A2ML1: variants seen among roughly 807,000 people sequenced by gnomAD.
A2ML1 encodes alpha-2-macroglobulin like 1.
A neutral mutation model predicts 181.9 loss-of-function variants in A2ML1; 161 were observed. The ratio of observed to expected loss-of-function variants is 0.89; its 90% CI spans 0.78 to 1.01. The LOEUF is 1.01. Among genes scored for constraint, A2ML1 ranks in the 50% least tolerant of loss-of-function variants. A2ML1 has a pLI of 0.00. For missense variants in A2ML1, 1,670 were observed against 1,768.1 expected, an observed-to-expected ratio of 0.94 and a Z score of 1.00; for synonymous variants, 663 against 666.8, an observed-to-expected ratio of 0.99 and a Z score of 0.09.
In A2ML1 at chr12:8,851,802, G is replaced by C; in HGVS notation, c.2253G>C (p.Ala751=). The C allele has an allele frequency of 6.2e-7, 1 of 1,614,050 alleles. No homozygotes were observed. The highest frequency in any genetic ancestry group is 8.5e-7 in the Non-Finnish European group (1 of 1,180,032). The change falls in exon 19 of 36, where the codon GCG becomes GCC. Residue 751 remains alanine, a synonymous_variant. Transcript: ENST00000299698. Reference sequence around the variant, plus strand: ...TTCACAGTAACTCGGGGAAGGAGGCGGTCCACGTCACAGTTCCTGACGCCA... The same window carrying C: ...TTCACAGTAACTCGGGGAAGGAGGCCGTCCACGTCACAGTTCCTGACGCCA... ...LFPIGNSGKE[A]VHVTVPDAIT...
At chr12:8,861,567 A>T (rs1046286839) in intron 28 of A2ML1, among the ~76,000 whole-genome samples, 2 of 151,860 alleles carry the variant, frequency 1.3e-5, no homozygotes, top group African/African-American at 4.8e-5. Flanking sequence ...GGCTCACTCC[A>T]AGTTCCGCCT....
At chr12:8,866,615 T>A (rs1335612657) in intron 29 of A2ML1, among the ~76,000 whole-genome samples, 1 of 152,116 alleles carries the variant, frequency 6.6e-6, no homozygotes. Flanking sequence ...CAGCTGACAG[T>A]GAGGTCCCTT....
Position 8,852,133 on chromosome 12 carries a change from C to T in A2ML1, c.2464-77C>T. On this transcript the variant is annotated intron_variant, in intron 19 of 35. Coordinates refer to ENST00000299698, the MANE Select transcript of A2ML1 (RefSeq NM_144670.6). This position sits in a 1 kb window ranked among gnomAD's most constrained non-coding sequence, Gnocchi z 4.2. ...GGAAAGAGAGGAGATGTCGGCGTCT[C>T]AGCCCCCAGGTTTCCCCAGGCCTCT... The T allele has an allele frequency of 6.3e-7, 1 of 1,595,744 alleles. No individual in the cohort carries two copies. Among genetic ancestry groups the T allele is most frequent in the Non-Finnish European group, 8.6e-7 (1 of 1,169,264 alleles).
chr12:8,841,617 C>T, intron 11 of A2ML1, 81 bp downstream of exon 11: 1 of 1,382,034 alleles, frequency 7.2e-7, no homozygotes, highest in Non-Finnish European at 9.9e-7. Flanking sequence ...GTTTCCTATT[C>T]TCCCCTCTGC....
In A2ML1 at chr12:8,852,492, C is replaced by T. The variant is rs1943927585; in HGVS notation, c.2590+156C>T. On this transcript the variant is annotated intron_variant, in intron 20 of 35. Coordinates refer to ENST00000299698, the MANE Select transcript of A2ML1 (RefSeq NM_144670.6). This position sits in a 1 kb window ranked among gnomAD's most constrained non-coding sequence, Gnocchi z 4.2. ...AGGCTGTTATAAGTCAATACACAAA[C>T]ACTCTTTGATAGGTGACCAAACAAA... 6.6e-6 allele frequency among the ~76,000 whole-genome samples: 1 copy of T among 152,170 alleles called. No homozygotes were observed. The highest frequency in any genetic ancestry group is 1.5e-5 in the Non-Finnish European group (1 of 68,042).
chr12:8,875,880 A>C (rs1010898748), intron 35 of A2ML1, 178 bp from the exon 36 acceptor site: 20 of 152,318 alleles, frequency 1.3e-4, no homozygotes, highest in African/African-American at 4.8e-4. Context: ...GAAAATACTA[A>C]GACAAAAGTA....
chr12:8,868,099 G>C (rs1337496762), intron 30 of A2ML1, 42 bp downstream of exon 30: 1 of 1,611,214 alleles, frequency 6.2e-7, no homozygotes, highest in Non-Finnish European at 8.5e-7. Flanking sequence ...TTGGGAAGGA[G>C]AGTCGGAGAG....
At chr12:8,862,679 G>A (rs1163058455) in intron 28 of A2ML1, among the ~76,000 whole-genome samples, 1 of 151,974 alleles carries the variant, frequency 6.6e-6, no homozygotes, top group Admixed American at 6.6e-5. Flanking sequence ...CAGGGGGTCA[G>A]GTAGTTTTTT....
intron 18 of A2ML1, among the ~76,000 whole-genome samples, chr12:8,850,920 G>A (rs1943866742): frequency 6.6e-6 from 1 of 152,014 alleles, no homozygotes; most frequent in African/African-American, 2.4e-5. Flanking sequence ...TGTATTTTTA[G>A]TAGAGGCAGG....
intron 3 of A2ML1, among the ~76,000 whole-genome samples, chr12:8,824,331 TTTTTTTTA>T (rs977280264): frequency 1.3e-5 from 2 of 149,818 alleles, no homozygotes; most frequent in Non-Finnish European, 3.0e-5. Context: ...TATGTTTGGG[TTTTTTTTA>T]TTTTTTTATT....
rs979518549 is a variant in A2ML1 at position 8,884,246 on chromosome 12, G to GTT, written c.*95-2253_*95-2252dup. Among the ~76,000 whole-genome samples the GTT allele has an allele frequency of 1.1e-3, 154 of 134,968 alleles. 1 individual carries two copies. Among genetic ancestry groups the GTT allele is most frequent in the Admixed American group, 5.4e-3 (73 of 13,628 alleles). The allele number at this position is 134,968 out of a possible 152,430, so 88.5% of individuals were successfully genotyped here. A position where few individuals can be genotyped will look rare whatever the true frequency, so the allele number is the denominator to read the frequency against. ...TTTATTTTTTGTTTTTTTTTGTTTT[G>GTT]TTTTTTTTTAACTATTTTCCTTTTT... On this transcript the variant is annotated intron_variant and NMD_transcript_variant, in intron 7 of 7. Coordinates refer to the A2ML1 transcript ENST00000537475.
intron 17 of A2ML1, 120 bp from the exon 18 acceptor site, chr12:8,850,040 C>T (rs1943834509): frequency 1.2e-6 from 1 of 801,930 alleles, no homozygotes; most frequent in East Asian, 2.5e-5. Context: ...TCCTCCTTGC[C>T]TCTGACTGGA....
At chr12:8,857,015 G>C in intron 23 of A2ML1, 149 bp from the exon 24 acceptor site, 2 of 679,838 alleles carry the variant, frequency 2.9e-6, no homozygotes, top group Non-Finnish European at 4.6e-6. Context: ...CATACTGCTG[G>C]AATTACAGGC....
At chr12:8,875,037 G>C (rs1252936727) in intron 35 of A2ML1, 25 bp downstream of exon 35, 1 of 1,612,802 alleles carries the variant, frequency 6.2e-7, no homozygotes, top group Admixed American at 1.7e-5. Context: ...GAAATGGGTG[G>C]AGTTATGGGT....
At chr12:8,879,596 C>A (rs1238269634), downstream of A2ML1, among the ~76,000 whole-genome samples, 2 of 152,174 alleles carry the variant, frequency 1.3e-5, no homozygotes, top group African/African-American at 4.8e-5. Flanking sequence ...AGCATCCCCT[C>A]TTTTGGAACG....
At chr12:8,834,454 T>C (rs1009503730) in intron 4 of A2ML1, among the ~76,000 whole-genome samples, 2 of 152,194 alleles carry the variant, frequency 1.3e-5, no homozygotes, top group African/African-American at 4.8e-5. Context: ...CCCCCACTCT[T>C]ACCCTCCTCC....
intron 14 of A2ML1, among the ~76,000 whole-genome samples, 161 bp downstream of exon 14, chr12:8,846,383 T>C (rs1943688502): frequency 6.6e-6 from 1 of 152,140 alleles, no homozygotes; most frequent in African/African-American, 2.4e-5. Context: ...TGTGTTGAAA[T>C]CCATCTCTCT....
At chr12:8,866,757 G>A (rs1490502120) in intron 29 of A2ML1, among the ~76,000 whole-genome samples, 1 of 152,182 alleles carries the variant, frequency 6.6e-6, no homozygotes, top group Middle Eastern at 3.2e-3. Context: ...ACCAGGGTGG[G>A]TGACCTGTCT....
chr12:8,838,476 TAAGAA>T (rs1171419478), intron 9 of A2ML1, 26 bp downstream of exon 9: 1 of 1,577,564 alleles, frequency 6.3e-7, no homozygotes. Flanking sequence ...CTTGGCTCAT[TAAGAA>T]AAGAGAAAGA....
Sources: gnomAD v4.1 joint callset for allele counts (sites outside exome capture counted in the v4.1 genomes callset) on GRCh38, gnomAD v4.1.1 for gene constraint, Gnocchi (gnomAD v3.1) non-coding constraint, MANE v1.5 for transcripts, NCBI Gene and HGNC (gene_info 2026-07-23, HGNC 2026-07-21) for gene names.